The following CMKLR1 variants were observed in gnomAD, a reference collection of about 807,000 sequenced individuals.
CMKLR1 encodes the protein chemerin chemokine-like receptor 1, also known as chemerin-like receptor 1.
In CMKLR1, 6 loss-of-function variants were observed where a neutral mutation model predicts 8.2. That is an observed-to-expected ratio of 0.73 (90% CI 0.40 to 1.44). The LOEUF (loss-of-function observed/expected upper bound fraction) is 1.44, where lower values mean the gene tolerates loss of function less well. Ranked by LOEUF, CMKLR1 falls within the 40% of genes most tolerant of loss-of-function variation. The probability of loss-of-function intolerance (pLI) is 0.02; values close to 1 mark genes in which losing one functional copy is unlikely to be tolerated. For synonymous variants in CMKLR1, 178 were observed against 181.2 expected (o/e 0.98, Z 0.14); for missense variants, 429 against 478.0 (o/e 0.90, Z 0.96).
chr12:108,294,061 G>A (rs1286930536), intron 2 of CMKLR1, among the ~76,000 whole-genome samples: 1 of 152,232 alleles, frequency 6.6e-6, no homozygotes, highest in African/African-American at 2.4e-5. Flanking sequence ...TAGGAAGTGT[G>A]AGCACAGAGA....
chr12:108,309,001 C>T (rs749582458), intron 2 of CMKLR1, among the ~76,000 whole-genome samples: 3 of 152,188 alleles, frequency 2.0e-5, no homozygotes, highest in Non-Finnish European at 4.4e-5. Flanking sequence ...TGGAGCCAGA[C>T]TGCCTCGGTT....
In CMKLR1 at chr12:108,309,930, A is replaced by G. The variant is rs149989674; in HGVS notation, c.-73-16266T>C. 4.4e-3 allele frequency among the ~76,000 whole-genome samples: 664 copies of G among 152,290 alleles called. 3 individuals carry two copies. The highest frequency in any genetic ancestry group is 0.031 in the Middle Eastern group (9 of 294). On this transcript the variant is annotated intron_variant, in intron 2 of 3. Transcript: ENST00000550402. ...ACGTATGTCTTTGTGGACATGAAAA[A>G]TGTTCATAAATGGGTCATTTGGGTC... is the stretch of plus-strand genomic sequence containing the variant.
chr12:108,293,545 G>A lies in CMKLR1; in HGVS notation c.3+44C>T, dbSNP rs561486905. 1.5e-5 allele frequency: 23 copies of A among 1,550,458 alleles called. No individual in the cohort carries two copies. The African/African-American group carries it at 2.7e-4, about 18-fold the overall frequency. On this transcript the variant is annotated intron_variant, in intron 3 of 3. Coordinates refer to ENST00000550402, the MANE Select transcript of CMKLR1 (RefSeq NM_001142343.2). ...CCCCCTGTGCACCCAATCTGTCAGT[G>A]GTCACTGGTGCCCTTTGGAGTTCAG...
chr12:108,299,246 C>T (rs1891207331), intron 2 of CMKLR1, among the ~76,000 whole-genome samples: 2 of 152,328 alleles, frequency 1.3e-5, no homozygotes, highest in Admixed American at 6.5e-5. Flanking sequence ...AAGGTCAAGG[C>T]CCCAGAGGTC....
At chr12:108,311,646 A>G (rs768137190) in intron 2 of CMKLR1, among the ~76,000 whole-genome samples, 2 of 152,220 alleles carry the variant, frequency 1.3e-5, no homozygotes, top group Non-Finnish European at 2.9e-5. Context: ...AAAAAGTGCC[A>G]GGGAAAGGAC....
At chr12:108,293,003 C>A in intron 3 of CMKLR1, 44 bp from the exon 4 acceptor site, 1 of 1,546,502 alleles carries the variant, frequency 6.5e-7, no homozygotes, top group South Asian at 1.3e-5. Flanking sequence ...CTAGAGTTGG[C>A]TTTAAGAGGT....
At position 108,288,849 on chromosome 12, in the gene CMKLR1, G is replaced by A. The variant is rs1005067396; in HGVS notation, c.*2992C>T. ...CTCCTTCCAAGGGCTGAAGAAGTTG[G>A]GCATTCAGGCAGCTGACCTGATTCA... On this transcript the variant is annotated 3_prime_UTR_variant, in exon 4 of 4. Transcript: ENST00000550402. 1.3e-5 allele frequency: 2 copies of A among 151,978 alleles called. No homozygotes were observed. The highest frequency in any genetic ancestry group is 4.8e-5 in the African/African-American group (2 of 41,300). The allele number at this position is 151,978 out of a possible 1,614,324, so 9.4% of individuals were successfully genotyped here. A position where few individuals can be genotyped will look rare whatever the true frequency, so the allele number is the denominator to read the frequency against.
intron 2 of CMKLR1, among the ~76,000 whole-genome samples, chr12:108,299,891 CAGTT>C (rs929571676): frequency 2.0e-5 from 3 of 152,304 alleles, no homozygotes; most frequent in Admixed American, 6.5e-5. Context: ...CAGTTTGTGA[CAGTT>C]TGTTATGGCA....
chr12:108,320,162 A>G (rs1193880243), intron 2 of CMKLR1, among the ~76,000 whole-genome samples: 1 of 152,132 alleles, frequency 6.6e-6, no homozygotes, highest in Non-Finnish European at 1.5e-5. Flanking sequence ...AGAGGCACAA[A>G]AGCATTGCAC....
chr12:108,295,847 GCT>G (rs1593158112), intron 2 of CMKLR1, among the ~76,000 whole-genome samples: 1 of 152,340 alleles, frequency 6.6e-6, no homozygotes, highest in South Asian at 2.1e-4. Context: ...ATCATGTCGG[GCT>G]CTCTGGCTGG....
intron 2 of CMKLR1, among the ~76,000 whole-genome samples, chr12:108,323,181 C>T (rs981621152): frequency 2.6e-5 from 4 of 152,170 alleles, no homozygotes; most frequent in Non-Finnish European, 4.4e-5. Context: ...AGTAAGGACA[C>T]TGCAAAACTA....
chr12:108,293,565 G>A, intron 3 of CMKLR1, 24 bp downstream of exon 3: 2 of 1,550,398 alleles, frequency 1.3e-6, no homozygotes. Flanking sequence ...GCCCTTTGGA[G>A]TTCAGACCAC....
intron 2 of CMKLR1, among the ~76,000 whole-genome samples, chr12:108,303,860 C>T (rs569706829): frequency 1.7e-4 from 26 of 152,336 alleles, no homozygotes; most frequent in South Asian, 6.2e-4. Context: ...CCTTTGGAGG[C>T]GGGGATCATT....
chr12:108,326,534 A>G (rs902792286), intron 2 of CMKLR1, among the ~76,000 whole-genome samples: 2 of 152,212 alleles, frequency 1.3e-5, no homozygotes, highest in African/African-American at 4.8e-5. Context: ...AGACAGTCCC[A>G]TCATAAAGGC....
chr12:108,326,760 G>A (rs547953027), intron 2 of CMKLR1, among the ~76,000 whole-genome samples: 26 of 152,294 alleles, frequency 1.7e-4, no homozygotes, highest in East Asian at 3.9e-4. Flanking sequence ...GGGCTAGAGC[G>A]GAGGAGGTGA....
At position 108,291,851 on chromosome 12, in the gene CMKLR1, C is replaced by G. The variant is rs756181043; in HGVS notation, c.1112G>C (p.Gly371Ala). Residue 371 changes from glycine (G) to alanine (A), a missense_variant, in exon 4 of 4, where the codon GGC becomes GCC. By Grantham distance (60) the Gly-to-Ala change is moderately conservative. Coordinates refer to ENST00000550402, the MANE Select transcript of CMKLR1 (RefSeq NM_001142343.2). ...ERTSMNERET[G>A]ML ...GTTCCACAGTGAGGATCAAAGCATGCCGGTCTCCCTCTCATTCATAGAAGT... is the reference window on the plus strand; with the variant it reads ...GTTCCACAGTGAGGATCAAAGCATGGCGGTCTCCCTCTCATTCATAGAAGT... The G allele has an allele frequency of 1.2e-6, 2 of 1,611,402 alleles. No homozygotes were observed. The highest frequency in any genetic ancestry group is 1.7e-6 in the Non-Finnish European group (2 of 1,178,680).
chr12:108,327,973 G>T (rs1451449496), intron 2 of CMKLR1, among the ~76,000 whole-genome samples: 1 of 152,228 alleles, frequency 6.6e-6, no homozygotes, highest in Non-Finnish European at 1.5e-5. Flanking sequence ...GAAACCCTGT[G>T]ATGGGGAAGG....
At chr12:108,321,539 G>A (rs1015099563) in intron 2 of CMKLR1, among the ~76,000 whole-genome samples, 9 of 152,112 alleles carry the variant, frequency 5.9e-5, no homozygotes, top group South Asian at 4.1e-4. Context: ...ACGCGTCTGC[G>A]TCACTCACCA....
At chr12:108,295,926 C>T (rs1377990023) in intron 2 of CMKLR1, among the ~76,000 whole-genome samples, 1 of 152,184 alleles carries the variant, frequency 6.6e-6, no homozygotes, top group East Asian at 1.9e-4. Context: ...GCTGGGCTGG[C>T]ACAGAATGAT....
Sources: allele counts gnomAD v4.1 joint callset (sites outside exome capture counted in the v4.1 genomes callset), GRCh38; gene constraint gnomAD v4.1.1; transcripts MANE v1.5; gene names NCBI Gene and HGNC (gene_info 2026-07-23, HGNC 2026-07-21).